Variants in PRKCE observed in about 807,000 individuals in gnomAD.
PRKCE encodes the protein protein kinase C epsilon.
In PRKCE, 16 loss-of-function variants were observed where a neutral mutation model predicts 85.4. That is an observed-to-expected ratio of 0.19 (90% CI 0.13 to 0.28). The LOEUF is 0.28. Ranked by LOEUF, PRKCE falls within the 10% of genes least tolerant of loss-of-function variation. The pLI is 1.00. For synonymous variants in PRKCE, 388 were observed against 371.5 expected (o/e 1.04, Z -0.51); for missense variants, 573 against 975.2 (o/e 0.59, Z 5.49).
chr2:46,030,720 G>A (rs1366633523), intron 10 of PRKCE, among the ~76,000 whole-genome samples: 1 of 152,142 alleles, frequency 6.6e-6, no homozygotes. Flanking sequence ...ATGTCCCAAC[G>A]AAAAGGAATT....
intron 2 of PRKCE, among the ~76,000 whole-genome samples, chr2:45,927,387 A>C (rs1242185442): frequency 1.3e-5 from 2 of 152,318 alleles, no homozygotes; most frequent in Middle Eastern, 3.4e-3. Context: ...ATCTAATTTA[A>C]TCATTGCAAT....
intron 5 of PRKCE, among the ~76,000 whole-genome samples, chr2:45,983,753 G>C (rs1703082503): frequency 6.6e-6 from 1 of 152,010 alleles, no homozygotes; most frequent in Non-Finnish European, 1.5e-5. Flanking sequence ...AGCATTCTTA[G>C]TGCTCACCAT....
intron 14 of PRKCE, among the ~76,000 whole-genome samples, chr2:46,171,754 CT>C (rs1258609222): frequency 6.6e-6 from 1 of 152,164 alleles, no homozygotes; most frequent in Non-Finnish European, 1.5e-5. Flanking sequence ...CCATCTGCAG[CT>C]TTGTTATGTT....
chr2:45,666,972 C>G (rs1675940903), intron 1 of PRKCE, among the ~76,000 whole-genome samples: 2 of 152,146 alleles, frequency 1.3e-5, no homozygotes, highest in African/African-American at 4.8e-5. Context: ...TCCCAAGTAG[C>G]TGGGATTATA....
At chr2:45,972,639 G>T (rs1478945934) in intron 2 of PRKCE, among the ~76,000 whole-genome samples, 3 of 152,180 alleles carry the variant, frequency 2.0e-5, no homozygotes, top group Admixed American at 6.5e-5. Context: ...TGATTTTTGT[G>T]TATGGTAAAA....
At chr2:46,011,252 C>T (rs1292795064) in intron 10 of PRKCE, among the ~76,000 whole-genome samples, 1 of 152,164 alleles carries the variant, frequency 6.6e-6, no homozygotes, top group African/African-American at 2.4e-5. Context: ...AAGGCAAAGA[C>T]AGACATCACC....
chr2:46,116,128 C>T (rs1263698119), intron 11 of PRKCE, among the ~76,000 whole-genome samples: 1 of 152,184 alleles, frequency 6.6e-6, no homozygotes, highest in Non-Finnish European at 1.5e-5. Flanking sequence ...TTAGTCTTGT[C>T]TCCCCAACCA....
At chr2:45,738,832 T>C (rs1682304300) in intron 1 of PRKCE, among the ~76,000 whole-genome samples, 1 of 152,232 alleles carries the variant, frequency 6.6e-6, no homozygotes, top group African/African-American at 2.4e-5. Context: ...AATAGATGAA[T>C]TTTAATATCC....
chr2:45,781,364 C>T (rs891319887), intron 1 of PRKCE, among the ~76,000 whole-genome samples: 2 of 152,180 alleles, frequency 1.3e-5, no homozygotes, highest in African/African-American at 4.8e-5. Flanking sequence ...AAATTACTAC[C>T]TCTGACTCCT....
chr2:45,858,280 T>A (rs1434572955), intron 2 of PRKCE, among the ~76,000 whole-genome samples: 1 of 152,196 alleles, frequency 6.6e-6, no homozygotes, highest in African/African-American at 2.4e-5. Flanking sequence ...TTAATTTTTT[T>A]AAACATAAAT....
At position 46,023,941 on chromosome 2, in the gene PRKCE, G is replaced by A. The variant is rs75457612; in HGVS notation, c.1437+13424G>A. Among the ~76,000 whole-genome samples, 913 of 152,258 alleles carry A rather than the reference G, an allele frequency of 6.0e-3. 6 individuals are homozygous for A. Among genetic ancestry groups the A allele is most frequent in the Non-Finnish European group, 9.4e-3 (641 of 68,028 alleles). ...AGGTTCAACTTGGAGCATTTTACACGTATTAATTTAATCGTCACATCAACC... is the reference window on the plus strand; with the variant it reads ...AGGTTCAACTTGGAGCATTTTACACATATTAATTTAATCGTCACATCAACC... On this transcript the variant is annotated intron_variant, in intron 10 of 14. Coordinates refer to ENST00000306156, the MANE Select transcript of PRKCE (RefSeq NM_005400.3).
intron 1 of PRKCE, among the ~76,000 whole-genome samples, chr2:45,811,992 G>A (rs935733869): frequency 6.6e-6 from 1 of 152,144 alleles, no homozygotes; most frequent in African/African-American, 2.4e-5. Flanking sequence ...TCCACCGCAG[G>A]GGAATACTCT....
chr2:46,098,950 G>T (rs1670957626), intron 11 of PRKCE, among the ~76,000 whole-genome samples: 1 of 152,006 alleles, frequency 6.6e-6, no homozygotes, highest in African/African-American at 2.4e-5. Context: ...AGAGTGGTAG[G>T]GGGTACCATA....
At position 45,895,171 on chromosome 2, in the gene PRKCE, GT is replaced by G. The variant is rs1484192899; in HGVS notation, c.412+52115del. On this transcript the variant is annotated intron_variant, in intron 2 of 14. Coordinates refer to ENST00000306156, the MANE Select transcript of PRKCE (RefSeq NM_005400.3). This position sits in a 1 kb window ranked among gnomAD's most constrained non-coding sequence, Gnocchi z 4.8. ...AGGTGTCTCTTGAGAAAGGAAGGAA[GT>G]TTTTTTCAGGCGGAGTGGGTTGGAT... is the stretch of plus-strand genomic sequence containing the variant. Among the ~76,000 whole-genome samples the G allele has an allele frequency of 6.6e-6, 1 of 152,184 alleles. No homozygotes were observed. The highest frequency in any genetic ancestry group is 1.5e-5 in the Non-Finnish European group (1 of 68,028).
chr2:46,060,323 T>TC (rs35438862), intron 10 of PRKCE, among the ~76,000 whole-genome samples: 53,713 of 152,012 alleles, frequency 0.35, 9,984 homozygotes, highest in African/African-American at 0.45. Context: ...AGACAGCCCT[T>TC]CCTCCTGGGC....
At chr2:46,116,131 C>G (rs1365181203) in intron 11 of PRKCE, among the ~76,000 whole-genome samples, 4 of 152,154 alleles carry the variant, frequency 2.6e-5, no homozygotes, top group Admixed American at 2.0e-4. Flanking sequence ...GTCTTGTCTC[C>G]CCAACCAAAT....
At chr2:45,708,148 C>A (rs541708374) in intron 1 of PRKCE, among the ~76,000 whole-genome samples, 37 of 151,144 alleles carry the variant, frequency 2.4e-4, no homozygotes, top group South Asian at 1.5e-3. Context: ...GACTCGAGAG[C>A]CTGCAGATTT....
At chr2:45,948,879 CT>C (rs1334922628) in intron 2 of PRKCE, among the ~76,000 whole-genome samples, 2 of 152,116 alleles carry the variant, frequency 1.3e-5, no homozygotes, top group African/African-American at 2.4e-5. Flanking sequence ...TGTTTTGTAA[CT>C]TGCTTTTTAA....
chr2:45,822,994 G>T (rs769992357), intron 1 of PRKCE, among the ~76,000 whole-genome samples: 1 of 152,176 alleles, frequency 6.6e-6, no homozygotes. Flanking sequence ...TCACTGCCTT[G>T]TCATTAATTC....
Sources: allele counts gnomAD v4.1 joint callset (sites outside exome capture counted in the v4.1 genomes callset), GRCh38; gene constraint gnomAD v4.1.1; non-coding constraint Gnocchi (gnomAD v3.1); transcripts MANE v1.5; gene names NCBI Gene and HGNC (gene_info 2026-07-23, HGNC 2026-07-21).